C8orf89: variants seen among roughly 807,000 people sequenced by gnomAD.
The protein encoded by C8orf89 is chromosome 8 open reading frame 89.
In C8orf89, 14 loss-of-function variants were observed where a neutral mutation model predicts 15.8. That is an observed-to-expected ratio of 0.89 (90% confidence interval 0.59 to 1.39). The LOEUF (loss-of-function observed/expected upper bound fraction) is 1.39. Ranked by LOEUF, C8orf89 falls within the 40% of genes most tolerant of loss-of-function variation. The pLI is 0.00. For synonymous variants in C8orf89, 55 were observed against 62.2 expected, an observed-to-expected ratio of 0.88 and a Z score of 0.54; for missense variants, 181 against 184.5, an observed-to-expected ratio of 0.98 and a Z score of 0.11.
chr8:73,259,825 A>G (rs1813489785), upstream of C8orf89, among the ~76,000 whole-genome samples: 1 of 152,236 alleles, frequency 6.6e-6, no homozygotes, highest in South Asian at 2.1e-4. Flanking sequence ...GTGGACACAG[A>G]AGGAAAATCA....
chr8:73,245,562 T>A (rs1476817568), intron 3 of C8orf89, among the ~76,000 whole-genome samples: 4 of 151,946 alleles, frequency 2.6e-5, no homozygotes, highest in African/African-American at 4.8e-5. Flanking sequence ...AGGGATTTTT[T>A]AAAAAGACAA....
At chr8:73,273,348 T>C in the C8orf89 span, among the ~76,000 whole-genome samples, 3 of 152,308 alleles carry the variant, frequency 2.0e-5, no homozygotes, top group South Asian at 6.2e-4. Context: ...CTGCCTGGCC[T>C]CTCCCAGCTC....
chr8:73,273,194 C>T, the C8orf89 span, among the ~76,000 whole-genome samples: 2 of 152,186 alleles, frequency 1.3e-5, no homozygotes, highest in East Asian at 3.9e-4. Context: ...AGAAGCCGTG[C>T]CCGTTTCTGA....
intron 3 of C8orf89, among the ~76,000 whole-genome samples, chr8:73,245,742 G>T (rs1227311897): frequency 6.6e-6 from 1 of 152,004 alleles, no homozygotes; most frequent in African/African-American, 2.4e-5. Context: ...CAAAATGCAA[G>T]TTTCTAGAAA....
intron 3 of C8orf89, 72 bp from the exon 4 acceptor site, chr8:73,241,677 A>C (rs964757219): frequency 1.9e-5 from 23 of 1,200,962 alleles, no homozygotes; most frequent in Middle Eastern, 4.5e-4. Context: ...ATTAAATATA[A>C]TGTGACTGAA....
chr8:73,264,078 C>T (rs1813577293), upstream of C8orf89, among the ~76,000 whole-genome samples: 1 of 152,140 alleles, frequency 6.6e-6, no homozygotes, highest in South Asian at 2.1e-4. Context: ...CCACAAGATA[C>T]ATCACAGCCT....
intron 3 of C8orf89, among the ~76,000 whole-genome samples, chr8:73,246,035 A>C (rs1257311905): frequency 6.6e-6 from 1 of 152,210 alleles, no homozygotes; most frequent in East Asian, 1.9e-4. Flanking sequence ...AATTCATGGC[A>C]ATCTCACTAC....
chr8:73,281,234 CATA>C, the C8orf89 span, among the ~76,000 whole-genome samples: 2 of 151,946 alleles, frequency 1.3e-5, no homozygotes, highest in East Asian at 3.9e-4. Context: ...GCCTAGGCAA[CATA>C]ATGAGACCCT....
chr8:73,247,272 C>CT (rs34092373), intron 3 of C8orf89, among the ~76,000 whole-genome samples: 152,274 of 152,282 alleles, frequency 1, 76,133 homozygotes, highest in Middle Eastern at 1. Flanking sequence ...AGGACATGAT[C>CT]TGTTCTTTTT....
the C8orf89 span, among the ~76,000 whole-genome samples, chr8:73,281,449 T>C: frequency 6.6e-6 from 1 of 150,766 alleles, no homozygotes; most frequent in African/African-American, 2.4e-5. Flanking sequence ...GAGAAAGATA[T>C]TTATTTATTC....
chr8:73,247,386 A>G (rs1813151183), intron 3 of C8orf89, among the ~76,000 whole-genome samples: 1 of 152,216 alleles, frequency 6.6e-6, no homozygotes, highest in African/African-American at 2.4e-5. Context: ...TATTGTGAAT[A>G]GTGCTGCAGT....
At chr8:73,246,037 T>C (rs1199207527) in intron 3 of C8orf89, among the ~76,000 whole-genome samples, 4 of 152,134 alleles carry the variant, frequency 2.6e-5, no homozygotes, top group African/African-American at 9.7e-5. Context: ...TTCATGGCAA[T>C]CTCACTACAC....
At chr8:73,274,731 C>G in the C8orf89 span, among the ~76,000 whole-genome samples, 1 of 152,044 alleles carries the variant, frequency 6.6e-6, no homozygotes, top group Non-Finnish European at 1.5e-5. Flanking sequence ...TTTAACTGCA[C>G]GTAGGTATAG....
At chr8:73,281,312 A>C in the C8orf89 span, among the ~76,000 whole-genome samples, 1 of 152,210 alleles carries the variant, frequency 6.6e-6, no homozygotes, top group African/African-American at 2.4e-5. Flanking sequence ...ATTTCTTATA[A>C]TAGAAAAGAG....
upstream of C8orf89, among the ~76,000 whole-genome samples, chr8:73,262,526 G>T (rs1813547613): frequency 6.6e-6 from 1 of 151,990 alleles, no homozygotes; most frequent in African/African-American, 2.4e-5. Context: ...ATTTTTTTAA[G>T]TAACAGCTGG....
chr8:73,269,248 G>T, the C8orf89 span, among the ~76,000 whole-genome samples: 1 of 152,144 alleles, frequency 6.6e-6, no homozygotes, highest in African/African-American at 2.4e-5. Flanking sequence ...ATATAATACA[G>T]GGAATACTTA....
intron 1 of C8orf89, among the ~76,000 whole-genome samples, chr8:73,257,984 G>C (rs897904323): frequency 6.6e-6 from 1 of 152,138 alleles, no homozygotes; most frequent in Non-Finnish European, 1.5e-5. Context: ...TTAGATTTGG[G>C]GGGTAGAAGG....
At chr8:73,280,077 A>T in the C8orf89 span, among the ~76,000 whole-genome samples, 1 of 152,160 alleles carries the variant, frequency 6.6e-6, no homozygotes, top group Non-Finnish European at 1.5e-5. Flanking sequence ...CATACCACTA[A>T]GTTTTGGAGA....
chr8:73,260,479 T>C (rs1755992556), upstream of C8orf89, among the ~76,000 whole-genome samples: 1 of 152,158 alleles, frequency 6.6e-6, no homozygotes, highest in South Asian at 2.1e-4. Context: ...GGCACATGTA[T>C]ACATATGTAA....
Sources: allele counts gnomAD v4.1 joint callset (sites outside exome capture counted in the v4.1 genomes callset), GRCh38; gene constraint gnomAD v4.1.1; transcripts MANE v1.5; gene names NCBI Gene and HGNC (gene_info 2026-07-23, HGNC 2026-07-21).